Variants in GYG2 observed in about 807,000 individuals in gnomAD.
The protein encoded by GYG2 is glycogenin 2.
A neutral mutation model predicts 29.4 loss-of-function variants in GYG2; 29 were observed. The observed-to-expected ratio is 0.99, with a 90% CI of 0.74 to 1.35. GYG2 has a LOEUF of 1.35. Ranked by LOEUF, GYG2 falls within the 40% of genes most tolerant of loss-of-function variation. GYG2 has a pLI of 0.00. For missense variants in GYG2, 370 were observed against 385.7 expected, an observed-to-expected ratio of 0.96 and a Z score of 0.34; for synonymous variants, 167 against 172.3, an observed-to-expected ratio of 0.97 and a Z score of 0.24.
chrX:2,847,132 CTTATT>C (rs1222343368), intron 3 of GYG2, among the ~76,000 whole-genome samples: 1 of 111,460 alleles, frequency 9.0e-6, no homozygotes, highest in Non-Finnish European at 1.9e-5. Flanking sequence ...AATATGTTCA[CTTATT>C]TTAAGAAACT....
At chrX:2,855,806 T>A (rs2087971770) in intron 5 of GYG2, among the ~76,000 whole-genome samples, 1 of 111,605 alleles carries the variant, frequency 9.0e-6, no homozygotes, top group African/African-American at 3.3e-5. Context: ...GCACCTGTAG[T>A]CCCCAAGCCC....
At chrX:2,875,952 T>C (rs2088584272) in intron 9 of GYG2, 38 bp downstream of exon 9, 1 of 768,320 alleles carries the variant, frequency 1.3e-6, no homozygotes, top group Non-Finnish European at 2.0e-6. Context: ...TGGCCAGCTC[T>C]CTTATTGCTT....
At chrX:2,851,647 A>G (rs894448406) in intron 3 of GYG2, among the ~76,000 whole-genome samples, 4 of 112,128 alleles carry the variant, frequency 3.6e-5, no homozygotes, top group African/African-American at 1.3e-4. Context: ...GTGTCATGCT[A>G]TGGAGTGCAT....
chrX:2,881,082 T>A lies in GYG2; in HGVS notation c.1282T>A (p.Ser428Thr). The A allele has an allele frequency of 2.5e-6, 3 of 1,209,135 alleles. No homozygotes were observed. The highest frequency in any genetic ancestry group is 3.4e-6 in the Non-Finnish European group (3 of 894,140). The change falls in exon 11 of 11, where the codon TCC becomes ACC. Residue 428 changes from serine (S) to threonine (T), a missense_variant. By Grantham distance (58) the Ser-to-Thr change is moderately conservative (BLOSUM62 1). Transcript: ENST00000398806. The part of the protein sequence containing the change: ...VDLAVSVSQI[S>T]IEEKVKELSP... ...CCTGGCCGTCTCTGTTTCCCAGATCTCCATCGAAGAGAAGGTGAAGGAATT... is the reference window on the plus strand; with the variant it reads ...CCTGGCCGTCTCTGTTTCCCAGATCACCATCGAAGAGAAGGTGAAGGAATT...
At chrX:2,865,560 A>T (rs2088277395) in intron 8 of GYG2, among the ~76,000 whole-genome samples, 1 of 111,313 alleles carries the variant, frequency 9.0e-6, no homozygotes, top group Non-Finnish European at 1.9e-5. Context: ...AGCCAAACCT[A>T]GGAGAGACTT....
intron 2 of GYG2, among the ~76,000 whole-genome samples, chrX:2,839,756 GT>G (rs1319038016): frequency 8.9e-6 from 1 of 111,954 alleles, no homozygotes; most frequent in African/African-American, 3.2e-5. Flanking sequence ...TTTATGTCAT[GT>G]GAAATTTACT....
chrX:2,844,000 A>G (rs1001349339), intron 3 of GYG2, among the ~76,000 whole-genome samples: 1 of 112,164 alleles, frequency 8.9e-6, no homozygotes, highest in Non-Finnish European at 1.9e-5. Flanking sequence ...TTCTCAAATA[A>G]AGCAAATACA....
At chrX:2,856,405 T>C in intron 5 of GYG2, 93 bp from the exon 6 acceptor site, 1 of 750,500 alleles carries the variant, frequency 1.3e-6, no homozygotes, top group Admixed American at 2.7e-5. Flanking sequence ...TGAAGGCAAG[T>C]GTTTATGTTG....
chrX:2,847,560 T>C (rs60009405), intron 3 of GYG2, among the ~76,000 whole-genome samples: 3,731 of 97,932 alleles, frequency 0.038, 201 homozygotes, highest in African/African-American at 0.13. Context: ...AAAAATTAGC[T>C]GGGTGTGGTG....
chrX:2,864,234 G>T (rs1477152420), intron 8 of GYG2, among the ~76,000 whole-genome samples: 1 of 112,120 alleles, frequency 8.9e-6, no homozygotes, highest in Admixed American at 9.5e-5. Context: ...ATGTGCCCAC[G>T]GTGGTCGGGG....
Position 2,847,703 on chromosome X carries a change from AAAAT to A in GYG2, c.149+4393_149+4396del, listed in dbSNP as rs34250808. 7.2e-3 allele frequency among the ~76,000 whole-genome samples: 583 copies of A among 80,950 alleles called. 2 individuals carry two copies. Among genetic ancestry groups the A allele is most frequent in the African/African-American group, 0.017 (390 of 23,294 alleles). 70.3% of individuals were successfully genotyped at this position (80,950 alleles called of 115,157 possible). ...CTGGGTGACAGAGCAGGACTCTGTC[AAAAT>A]AAATAAATAAATAAATAAATAAATA... On this transcript the variant is annotated intron_variant, in intron 3 of 10. Transcript: ENST00000398806.
chrX:2,860,073 G>A lies in GYG2; in HGVS notation c.837+8G>A. ...GCGTCTCCTGGTCACACAGTAAGTG[G>A]GGGATTCCCTTAAAACCCGTAGCTG... On this transcript the variant is annotated splice_region_variant and intron_variant, in intron 7 of 10. Transcript: ENST00000398806. 9.1e-7 allele frequency: 1 copy of A among 1,102,298 alleles called. No homozygotes were observed. Among genetic ancestry groups the A allele is most frequent in the Non-Finnish European group, 1.2e-6 (1 of 807,019 alleles). The allele number at this position is 1,102,298 out of a possible 1,213,427, so 90.8% of individuals were successfully genotyped here.
chrX:2,854,705 G>T (rs2087940222), intron 4 of GYG2, among the ~76,000 whole-genome samples: 1 of 111,943 alleles, frequency 8.9e-6, no homozygotes, highest in Non-Finnish European at 1.9e-5. Flanking sequence ...AGCTTGAGAT[G>T]GGTGGATCAC....
At chrX:2,843,487 G>C (rs2087552543) in intron 3 of GYG2, 133 bp downstream of exon 3, 2 of 478,004 alleles carry the variant, frequency 4.2e-6, no homozygotes, top group African/African-American at 4.9e-5. Context: ...CGGCAGTCAT[G>C]ATGGGCATCT....
intron 6 of GYG2, among the ~76,000 whole-genome samples, chrX:2,858,977 A>G (rs1213026150): frequency 1.8e-5 from 2 of 111,590 alleles, no homozygotes; most frequent in East Asian, 5.6e-4. Context: ...GGGCTGCTGT[A>G]CTTCACGTTT....
In GYG2 at chrX:2,881,091, G is replaced by A. The variant is rs1331085276; in HGVS notation, c.1291G>A (p.Glu431Lys). The change falls in exon 11 of 11, where the codon GAG becomes AAG. Residue 431 changes from glutamate to lysine, a missense_variant. Glu to Lys is a moderately conservative substitution (Grantham distance 56). Transcript: ENST00000398806. ...AVSVSQISIE[E>K]KVKELSPEEE... ...CTCTGTTTCCCAGATCTCCATCGAAGAGAAGGTGAAGGAATTGAGCCCCGA... is the reference window on the plus strand; with the variant it reads ...CTCTGTTTCCCAGATCTCCATCGAAAAGAAGGTGAAGGAATTGAGCCCCGA... 2.5e-6 allele frequency: 3 copies of A among 1,209,747 alleles called. No homozygotes were observed. Among genetic ancestry groups the A allele is most frequent in the Non-Finnish European group, 3.4e-6 (3 of 894,246 alleles).
At chrX:2,880,031 A>G (rs2088686690) in intron 10 of GYG2, among the ~76,000 whole-genome samples, 1 of 112,193 alleles carries the variant, frequency 8.9e-6, no homozygotes, top group African/African-American at 3.2e-5. Flanking sequence ...AGATAGATAG[A>G]TAGAAAGATG....
chrX:2,871,613 C>T (rs959488784), intron 8 of GYG2, among the ~76,000 whole-genome samples: 2 of 111,146 alleles, frequency 1.8e-5, no homozygotes, highest in African/African-American at 6.6e-5. Flanking sequence ...TCACTTGAAC[C>T]TGGGAGGGAG....
intron 8 of GYG2, among the ~76,000 whole-genome samples, chrX:2,865,223 A>G: frequency 9.0e-6 from 1 of 111,171 alleles, no homozygotes; most frequent in Admixed American, 9.7e-5. Flanking sequence ...CCCAGGGCAA[A>G]CAGTGGTTTT....
Sources: allele counts gnomAD v4.1 joint callset (sites outside exome capture counted in the v4.1 genomes callset), GRCh38; gene constraint gnomAD v4.1.1; transcripts MANE v1.5; gene names NCBI Gene and HGNC (gene_info 2026-07-23, HGNC 2026-07-21).